The following COG5 variants were observed in gnomAD, a reference collection of about 807,000 sequenced individuals.
COG5 encodes the protein component of oligomeric golgi complex 5.
In COG5, 86 loss-of-function variants were observed where a neutral mutation model predicts 110.4. That is an observed-to-expected ratio of 0.78 (90% CI 0.65 to 0.93). The LOEUF (loss-of-function observed/expected upper bound fraction) is 0.93, where lower values mean the gene tolerates loss of function less well. Among genes scored for constraint, COG5 ranks in the 40% least tolerant of loss-of-function variants. The pLI is 0.00. For missense variants in COG5, 1,077 were observed against 987.0 expected, an observed-to-expected ratio of 1.09 and a Z score of -1.22; for synonymous variants, 360 against 334.6, an observed-to-expected ratio of 1.08 and a Z score of -0.83.
chr7:107,413,228 T>C (rs973675196), intron 6 of COG5, among the ~76,000 whole-genome samples: 1 of 152,072 alleles, frequency 6.6e-6, no homozygotes, highest in African/African-American at 2.4e-5. Flanking sequence ...TTGTTCAAGC[T>C]GGTCTCAAAC....
In COG5 at chr7:107,362,428, T is replaced by G; in HGVS notation, c.836-8A>C. On this transcript the variant is annotated splice_polypyrimidine_tract_variant and splice_region_variant and intron_variant, in intron 8 of 21. Coordinates refer to ENST00000297135, the MANE Select transcript of COG5 (RefSeq NM_006348.5). ...TAGATCGTCCAGGTCCCCCTGGTTA[T>G]GAGTGAGAAAGAACAATGAAAAATA... 6.3e-7 allele frequency: 1 copy of G among 1,586,622 alleles called. No individual in the cohort carries two copies. Among genetic ancestry groups the G allele is most frequent in the African/African-American group, 1.3e-5 (1 of 74,316 alleles).
In COG5 at chr7:107,473,898, A is replaced by G. The variant is rs575397301; in HGVS notation, c.538+53339T>C. 3 of 494,150 alleles carry G rather than the reference A, an allele frequency of 6.1e-6. No individual in the cohort carries two copies. The Admixed American group carries it at 1.1e-4, about 18-fold the overall frequency. 30.6% of individuals were successfully genotyped at this position (494,150 alleles called of 1,614,324 possible). ...TGCAAACTTGATGGTTCTTAATTCT[A>G]CATTTTCTATTAATAGTTTACAAAC... is the stretch of plus-strand genomic sequence containing the variant. On this transcript the variant is annotated intron_variant, in intron 6 of 21. Transcript: ENST00000297135.
intron 5 of COG5, among the ~76,000 whole-genome samples, chr7:107,539,250 G>A (rs1185404476): frequency 6.6e-6 from 1 of 152,098 alleles, no homozygotes; most frequent in African/African-American, 2.4e-5. Flanking sequence ...ACAAAGCAAC[G>A]TATAATGAAA....
At chr7:107,293,234 G>A (rs567025194) in intron 12 of COG5, among the ~76,000 whole-genome samples, 5 of 152,256 alleles carry the variant, frequency 3.3e-5, no homozygotes, top group Middle Eastern at 3.4e-3. Context: ...CATTCATTGC[G>A]TGGGAATTGG....
At chr7:107,258,681 G>A in intron 14 of COG5, 1 of 375,762 alleles carries the variant, frequency 2.7e-6, no homozygotes, top group Non-Finnish European at 4.9e-6. Flanking sequence ...CTTGAGGCAG[G>A]TGTGACCCAA....
At position 107,539,375 on chromosome 7, in the gene COG5, G is replaced by C. The variant is rs570302493; in HGVS notation, c.417+8736C>G. Among the ~76,000 whole-genome samples the C allele has an allele frequency of 1.3e-4, 20 of 152,258 alleles. 1 individual carries two copies. The South Asian group carries it at 4.1e-3, about 32-fold the overall frequency. On this transcript the variant is annotated intron_variant, in intron 5 of 21. Transcript: ENST00000297135. ...AGAACCTATCAATGACATTAAATAA[G>C]AACTTACTGTACTGACATATGCTAC...
At chr7:107,373,048 C>T (rs1023435689) in intron 7 of COG5, among the ~76,000 whole-genome samples, 4 of 152,036 alleles carry the variant, frequency 2.6e-5, no homozygotes, top group Non-Finnish European at 2.9e-5. Context: ...GTATAATATT[C>T]GAGCTTATTT....
rs190782275 is a variant in COG5, at chr7:107,500,388, A to C, written c.538+26849T>G. Among the ~76,000 whole-genome samples the C allele has an allele frequency of 1.8e-3, 274 of 152,298 alleles. 2 individuals carry two copies. Among genetic ancestry groups the C allele is most frequent in the African/African-American group, 6.4e-3 (265 of 41,556 alleles). ...TTCTTTTTCAAAGCAGATGTTACTA[A>C]TCTCTGTAATTGCTACAGAAACAAC... On this transcript the variant is annotated intron_variant, in intron 6 of 21. Coordinates refer to ENST00000297135, the MANE Select transcript of COG5 (RefSeq NM_006348.5).
At chr7:107,315,242 T>C (rs950576736) in intron 11 of COG5, among the ~76,000 whole-genome samples, 1 of 152,078 alleles carries the variant, frequency 6.6e-6, no homozygotes, top group Non-Finnish European at 1.5e-5. Flanking sequence ...TCTTTATCAC[T>C]ATATGTTTTA....
intron 14 of COG5, among the ~76,000 whole-genome samples, chr7:107,268,149 G>C (rs1345341001): frequency 6.6e-6 from 1 of 151,972 alleles, no homozygotes; most frequent in East Asian, 1.9e-4. Flanking sequence ...TGTAGTTTTA[G>C]CACAGACGGG....
At chr7:107,455,843 G>A (rs769530169) in intron 6 of COG5, among the ~76,000 whole-genome samples, 27 of 152,088 alleles carry the variant, frequency 1.8e-4, no homozygotes, top group Non-Finnish European at 3.7e-4. Flanking sequence ...ACCTAGGCTG[G>A]AGTGCACTGG....
At chr7:107,438,809 T>C (rs762762897) in intron 6 of COG5, among the ~76,000 whole-genome samples, 1 of 152,206 alleles carries the variant, frequency 6.6e-6, no homozygotes, top group Non-Finnish European at 1.5e-5. Flanking sequence ...AAACAGGCTT[T>C]ATGAAGAAAA....
At chr7:107,284,171 G>A (rs767250737) in intron 12 of COG5, among the ~76,000 whole-genome samples, 1 of 152,046 alleles carries the variant, frequency 6.6e-6, no homozygotes, top group Non-Finnish European at 1.5e-5. Context: ...TGATCCACCC[G>A]CTTCGGCCTC....
intron 14 of COG5, among the ~76,000 whole-genome samples, chr7:107,280,568 C>T (rs534622204): frequency 7.9e-5 from 12 of 151,944 alleles, no homozygotes; most frequent in African/African-American, 2.9e-4. Context: ...TGGAGACAAT[C>T]AGATTTTGAC....
At chr7:107,345,152 C>A (rs762700743) in intron 10 of COG5, among the ~76,000 whole-genome samples, 7 of 152,134 alleles carry the variant, frequency 4.6e-5, no homozygotes, top group Non-Finnish European at 7.3e-5. Flanking sequence ...GTTGGTGGAG[C>A]AGTCAGAACA....
chr7:107,531,774 C>T (rs1462448764), intron 5 of COG5, among the ~76,000 whole-genome samples: 3 of 150,584 alleles, frequency 2.0e-5, no homozygotes, highest in East Asian at 2.0e-4. Context: ...TGTTCCATTT[C>T]GGCCAGCAGA....
intron 21 of COG5, among the ~76,000 whole-genome samples, chr7:107,204,222 T>A (rs146817587): frequency 4.6e-5 from 7 of 152,320 alleles, no homozygotes; most frequent in Non-Finnish European, 7.3e-5. Flanking sequence ...GATTATGATC[T>A]CATGGATTAG....
At chr7:107,521,129 A>G (rs969228389) in intron 6 of COG5, among the ~76,000 whole-genome samples, 1 of 152,234 alleles carries the variant, frequency 6.6e-6, no homozygotes, top group Non-Finnish European at 1.5e-5. Context: ...CTTATACCTT[A>G]TTCAAAAATT....
At chr7:107,285,293 C>T (rs1024537210) in intron 12 of COG5, among the ~76,000 whole-genome samples, 1 of 152,082 alleles carries the variant, frequency 6.6e-6, no homozygotes, top group Non-Finnish European at 1.5e-5. Flanking sequence ...TGTTGAAGTC[C>T]GAGCCATCTA....
Sources: gnomAD v4.1 joint callset for allele counts (sites outside exome capture counted in the v4.1 genomes callset) on GRCh38, gnomAD v4.1.1 for gene constraint, MANE v1.5 for transcripts, NCBI Gene and HGNC (gene_info 2026-07-23, HGNC 2026-07-21) for gene names.